Variants in RBBP8 observed in about 807,000 individuals in gnomAD.
RBBP8 encodes the protein DNA endonuclease RBBP8.
Under a neutral mutation model 108.3 loss-of-function variants are expected in RBBP8, and 88 were observed. The ratio of observed to expected loss-of-function variants is 0.81; its 90% CI spans 0.68 to 0.97. The LOEUF (loss-of-function observed/expected upper bound fraction) is 0.97. Among genes scored for constraint, RBBP8 ranks in the 50% least tolerant of loss-of-function variants. The pLI is 0.00. For missense variants in RBBP8, 1,023 were observed against 1,049.0 expected (o/e 0.98, Z 0.34); for synonymous variants, 332 against 348.2 (o/e 0.95, Z 0.52).
chr18:22,986,969 T>C (rs1915372746), intron 8 of RBBP8, among the ~76,000 whole-genome samples: 2 of 152,218 alleles, frequency 1.3e-5, no homozygotes, highest in South Asian at 2.1e-4. Flanking sequence ...ATTTGTCCTA[T>C]CTTCCTTATA....
exon 3 of RBBP8, chr18:22,916,977 G>A (rs922737602): frequency 6.6e-6 from 1 of 152,120 alleles, no homozygotes; most frequent in Non-Finnish European, 1.5e-5. Context: ...GACAGAAATT[G>A]CAGGACTTAA....
chr18:22,930,059 A>C (rs12454384), upstream of RBBP8, among the ~76,000 whole-genome samples: 1 of 152,202 alleles, frequency 6.6e-6, no homozygotes, highest in Admixed American at 6.5e-5. Flanking sequence ...TCATTTGTAA[A>C]TGGCTTGAGT....
Position 22,949,646 on chromosome 18 carries a change from A to T in RBBP8, c.181A>T (p.Thr61Ser). ...TGCACAAAGACTAGAAGAATTCTTC[A>T]CCAAAAATCAACAGCTGAGGGAACA... ...LDAQRLEEFFTKNQQLREQQK... is the reference protein window; with the variant it reads ...LDAQRLEEFFSKNQQLREQQK... Residue 61 changes from threonine (T) to serine (S), a missense_variant, in exon 4 of 19, where the codon ACC becomes TCC. Coordinates refer to ENST00000327155, the MANE Select transcript of RBBP8 (RefSeq NM_002894.3). 2 of 1,613,164 alleles carry T rather than the reference A, an allele frequency of 1.2e-6. No individual in the cohort carries two copies. Among genetic ancestry groups the T allele is most frequent in the Non-Finnish European group, 1.7e-6 (2 of 1,179,404 alleles).
chr18:22,935,526 A>T lies in RBBP8; in HGVS notation c.-98-1228A>T, dbSNP rs1354359839. Among the ~76,000 whole-genome samples, 5 of 152,194 alleles carry T rather than the reference A, an allele frequency of 3.3e-5. No homozygotes were observed. The East Asian group carries it at 9.6e-4, about 29-fold the overall frequency. ...CAATTTTTGCAAAGCTTGATAGTTT[A>T]TTTTTGTAGCTCTTGACGGTTCACC... is the stretch of plus-strand genomic sequence containing the variant. On this transcript the variant is annotated intron_variant, in intron 1 of 18. Coordinates refer to ENST00000327155, the MANE Select transcript of RBBP8 (RefSeq NM_002894.3).
intron 3 of RBBP8, among the ~76,000 whole-genome samples, chr18:22,948,751 G>A (rs1408970683): frequency 1.3e-5 from 2 of 152,116 alleles, no homozygotes; most frequent in African/African-American, 2.4e-5. Flanking sequence ...TCAAGGGACT[G>A]GGAGAAGGTG....
intron 14 of RBBP8, 62 bp downstream of exon 14, chr18:22,997,796 C>G (rs1204141555): frequency 1.8e-6 from 2 of 1,140,500 alleles, no homozygotes; most frequent in African/African-American, 1.6e-5. Flanking sequence ...TGTAGTTGTA[C>G]CATTGCACTG....
At chr18:22,930,200 T>C (rs1909970172), upstream of RBBP8, among the ~76,000 whole-genome samples, 1 of 152,226 alleles carries the variant, frequency 6.6e-6, no homozygotes, top group Non-Finnish European at 1.5e-5. Context: ...ATTTTAACTA[T>C]TTCACTAGTT....
In RBBP8 at chr18:22,924,120, GTTTTTGGTTTTTTTTTT is replaced by G. The variant is rs1436610473; in HGVS notation, c.-153-5257_-153-5241del. Among the ~76,000 whole-genome samples, 3 of 97,732 alleles carry G rather than the reference GTTTTTGGTTTTTTTTTT, an allele frequency of 3.1e-5. No individual in the cohort carries two copies. The Admixed American group carries it at 3.5e-4, about 11-fold the overall frequency. 64.1% of individuals were successfully genotyped at this position (97,732 alleles called of 152,430 possible). A position where few individuals can be genotyped will look rare whatever the true frequency, so the allele number is the denominator to read the frequency against. Reference sequence around the variant, plus strand: ...GTGTAAAGCATTTTTTAGTTAGTTTGTTTTTGGTTTTTTTTTTTTTTTTTTTTGAGACGGAGTCTCAC... The same window carrying G: ...GTGTAAAGCATTTTTTAGTTAGTTTGTTTTTTTTTTGAGACGGAGTCTCAC... On this transcript the variant is annotated intron_variant, in intron 3 of 4. Transcript: ENST00000577588.
At chr18:22,994,326 T>C (rs1443084541) in intron 12 of RBBP8, among the ~76,000 whole-genome samples, 1 of 146,926 alleles carries the variant, frequency 6.8e-6, no homozygotes, top group Non-Finnish European at 1.5e-5. Flanking sequence ...CCCGGCCACT[T>C]ATATACGTTT....
chr18:22,982,186 T>C (rs977902252), intron 6 of RBBP8, 32 bp from the exon 7 acceptor site: 1 of 1,595,354 alleles, frequency 6.3e-7, no homozygotes, highest in Non-Finnish European at 8.6e-7. Flanking sequence ...ACTCATTGAA[T>C]TGATTTTCTT....
chr18:23,026,363 T>A lies in RBBP8; in HGVS notation c.*123T>A. 1.1e-6 allele frequency: 1 copy of A among 905,650 alleles called. No individual in the cohort carries two copies. Among genetic ancestry groups the A allele is most frequent in the Non-Finnish European group, 1.7e-6 (1 of 575,434 alleles). 56.1% of individuals were successfully genotyped at this position (905,650 alleles called of 1,614,324 possible). The stretch of plus-strand genomic sequence containing the variant: ...TAAATGGATTTATAAATCAGTTTTC[T>A]ATTGAAAATGTTTGTGATATTTTGC... On this transcript the variant is annotated 3_prime_UTR_variant, in exon 19 of 19. Transcript: ENST00000327155.
Position 22,967,257 on chromosome 18 carries a change from T to G in RBBP8, c.249-1549T>G, listed in dbSNP as rs192339547. On this transcript the variant is annotated intron_variant, in intron 4 of 18. Transcript: ENST00000327155. The stretch of plus-strand genomic sequence containing the variant: ...GGCGGGCACCGGTAGTCCCAGCTAC[T>G]CGGGAGACTGAGGCAGGAGAATGGT... Among the ~76,000 whole-genome samples, 338 of 151,462 alleles carry G rather than the reference T, an allele frequency of 2.2e-3. 8 individuals are homozygous for G. In the East Asian group the frequency reaches 0.053, roughly 24 times the overall value.
intron 13 of RBBP8, 91 bp downstream of exon 13, chr18:22,996,553 A>G (rs1182002479): frequency 3.0e-5 from 47 of 1,547,970 alleles, no homozygotes; most frequent in Non-Finnish European, 3.5e-6. Flanking sequence ...TATCACCTTA[A>G]GATAATCAGA....
chr18:22,993,188 G>T lies in RBBP8; in HGVS notation c.1361G>T (p.Ser454Ile), dbSNP rs372424470. The change falls in exon 11 of 19, where the codon AGT becomes ATT. Residue 454 changes from serine to isoleucine, a missense_variant. By Grantham distance (142) the Ser-to-Ile change is moderately radical. Transcript: ENST00000327155. ...AAAAGGAAGAAAACTGAGGAAGAAA[G>T]TGAACATGAAGTAAGCTGCCCCCAA... ...TSKRKKTEEE[S>I]EHEVSCPQAS... 1.1e-4 allele frequency: 172 copies of T among 1,614,064 alleles called. No individual in the cohort carries two copies. The highest frequency in any genetic ancestry group is 1.3e-4 in the Non-Finnish European group (159 of 1,180,034).
Position 22,993,154 on chromosome 18 carries a change from C to G in RBBP8, c.1327C>G (p.Arg443Gly). The G allele has an allele frequency of 1.2e-6, 2 of 1,613,980 alleles. No homozygotes were observed. Among genetic ancestry groups the G allele is most frequent in the Non-Finnish European group, 1.7e-6 (2 of 1,179,930 alleles). The stretch of plus-strand genomic sequence containing the variant: ...GGAGCCCCTGAAATCATTGGGAGGC[C>G]GAACATCCAAAAGGAAGAAAACTGA... ...HLEPLKSLGG[R>G]TSKRKKTEEE... Residue 443 changes from arginine (R) to glycine (G), a missense_variant, in exon 11 of 19, where the codon CGA becomes GGA. By Grantham distance (125) the Arg-to-Gly change is moderately radical. Transcript: ENST00000327155.
chr18:22,985,965 C>T (rs1056765088), intron 8 of RBBP8, among the ~76,000 whole-genome samples: 2 of 151,880 alleles, frequency 1.3e-5, no homozygotes, highest in Non-Finnish European at 2.9e-5. Flanking sequence ...GAACAACCCC[C>T]ACCCCAGCAT....
intron 3 of RBBP8, among the ~76,000 whole-genome samples, chr18:22,925,517 G>A (rs895131181): frequency 1.3e-5 from 2 of 152,126 alleles, no homozygotes; most frequent in African/African-American, 4.8e-5. Flanking sequence ...AAGACAGTGC[G>A]TTTAAAGATA....
At chr18:22,974,972 A>T (rs575769786) in intron 5 of RBBP8, among the ~76,000 whole-genome samples, 181 bp from the exon 6 acceptor site, 1 of 152,326 alleles carries the variant, frequency 6.6e-6, no homozygotes, top group Admixed American at 6.5e-5. Context: ...TGTGAGATGT[A>T]GTACTCCCTA....
At chr18:22,966,077 C>T (rs1913558509) in intron 4 of RBBP8, among the ~76,000 whole-genome samples, 1 of 152,152 alleles carries the variant, frequency 6.6e-6, no homozygotes, top group Non-Finnish European at 1.5e-5. Context: ...TCTATTTGCC[C>T]ACCAGCTGCC....
Sources: allele counts gnomAD v4.1 joint callset (sites outside exome capture counted in the v4.1 genomes callset), GRCh38; gene constraint gnomAD v4.1.1; transcripts MANE v1.5; gene names NCBI Gene and HGNC (gene_info 2026-07-23, HGNC 2026-07-21).